RNGTT: variants seen among roughly 807,000 people sequenced by gnomAD.
The protein encoded by RNGTT is RNA guanylyltransferase and 5'-phosphatase, also known as mRNA-capping enzyme.
Under a neutral mutation model 79.3 loss-of-function variants are expected in RNGTT, and 33 were observed. The ratio of observed to expected loss-of-function variants is 0.42; its 90% CI spans 0.32 to 0.56. The LOEUF (loss-of-function observed/expected upper bound fraction) is 0.56. Among genes scored for constraint, RNGTT ranks in the 20% least tolerant of loss-of-function variants. The pLI is 0.17. For synonymous variants in RNGTT, 222 were observed against 235.9 expected, an observed-to-expected ratio of 0.94 and a Z score of 0.54; for missense variants, 497 against 739.1, an observed-to-expected ratio of 0.67 and a Z score of 3.80.
chr6:88,785,595 T>C (rs951691142), intron 12 of RNGTT, among the ~76,000 whole-genome samples: 1 of 152,128 alleles, frequency 6.6e-6, no homozygotes, highest in South Asian at 2.1e-4. Context: ...TGAGAAAAGA[T>C]AGAATGACAC....
At chr6:88,768,494 A>C (rs1387955181) in intron 13 of RNGTT, among the ~76,000 whole-genome samples, 1 of 152,150 alleles carries the variant, frequency 6.6e-6, no homozygotes, top group Non-Finnish European at 1.5e-5. Flanking sequence ...GATTCACCAC[A>C]ATGCACAGTT....
chr6:88,723,552 T>G, intron 13 of RNGTT, among the ~76,000 whole-genome samples: 1 of 152,162 alleles, frequency 6.6e-6, no homozygotes. Flanking sequence ...CTTTACCACC[T>G]GTGTCACCAG....
At chr6:88,684,758 C>G (rs1775214411) in intron 13 of RNGTT, among the ~76,000 whole-genome samples, 3 of 151,908 alleles carry the variant, frequency 2.0e-5, no homozygotes. Flanking sequence ...AAGAGTAAAC[C>G]TTAATGCAAA....
At chr6:88,796,160 AATG>A (rs1280997971) in intron 12 of RNGTT, among the ~76,000 whole-genome samples, 1 of 152,194 alleles carries the variant, frequency 6.6e-6, no homozygotes, top group Non-Finnish European at 1.5e-5. Flanking sequence ...TAAATGTTGA[AATG>A]ATAATACTTT....
intron 11 of RNGTT, among the ~76,000 whole-genome samples, chr6:88,824,944 C>T (rs9353622): frequency 0.19 from 29,414 of 151,600 alleles, 3,496 homozygotes; most frequent in African/African-American, 0.32. Context: ...GGTTTCACCA[C>T]GTTGGCCAGG....
intron 1 of RNGTT, among the ~76,000 whole-genome samples, chr6:88,951,803 A>G (rs931494082): frequency 1.3e-5 from 2 of 152,178 alleles, no homozygotes; most frequent in Non-Finnish European, 1.5e-5. Flanking sequence ...GCCATTCCTG[A>G]CTACATCTCA....
At chr6:88,929,926 A>ACG (rs1554165099) in intron 2 of RNGTT, among the ~76,000 whole-genome samples, 4 of 150,692 alleles carry the variant, frequency 2.7e-5, no homozygotes, top group Admixed American at 2.0e-4. Flanking sequence ...ACACGTATAT[A>ACG]CATATGTATA....
At chr6:88,628,628 G>A (rs1255540745) in intron 14 of RNGTT, among the ~76,000 whole-genome samples, 1 of 152,116 alleles carries the variant, frequency 6.6e-6, no homozygotes, top group Non-Finnish European at 1.5e-5. Context: ...AGGAAGGGGA[G>A]AGACTAACAT....
intron 14 of RNGTT, among the ~76,000 whole-genome samples, chr6:88,634,812 A>G (rs551139850): frequency 6.6e-6 from 1 of 152,148 alleles, no homozygotes; most frequent in Non-Finnish European, 1.5e-5. Flanking sequence ...AATATTTAAT[A>G]TGTGAGTGAA....
At chr6:88,661,413 G>C (rs1376548384) in intron 14 of RNGTT, among the ~76,000 whole-genome samples, 2 of 152,040 alleles carry the variant, frequency 1.3e-5, no homozygotes, top group African/African-American at 2.4e-5. Context: ...AAAATTGACA[G>C]ACCGTTAGTG....
rs535973473 is a variant in RNGTT at position 88,684,079 on chromosome 6, C to T, written c.1440-5660G>A. On this transcript the variant is annotated intron_variant, in intron 13 of 15. Coordinates refer to ENST00000369485, the MANE Select transcript of RNGTT (RefSeq NM_003800.5). Reference sequence around the variant, plus strand: ...TTTAAAAATGAGCAAAAGACTGGAACAGAAACCTCACAAAAGAAGATATGC... The same window carrying T: ...TTTAAAAATGAGCAAAAGACTGGAATAGAAACCTCACAAAAGAAGATATGC... 1.4e-3 allele frequency among the ~76,000 whole-genome samples: 218 copies of T among 152,140 alleles called. 2 individuals are homozygous for T. Among genetic ancestry groups the T allele is most frequent in the Non-Finnish European group, 2.6e-3 (174 of 67,972 alleles).
intron 13 of RNGTT, among the ~76,000 whole-genome samples, chr6:88,768,451 C>A (rs867939451): frequency 6.6e-6 from 1 of 152,120 alleles, no homozygotes; most frequent in Non-Finnish European, 1.5e-5. Context: ...AACGAATACC[C>A]ACATGCTTTA....
intron 13 of RNGTT, among the ~76,000 whole-genome samples, chr6:88,736,445 T>C (rs1777288391): frequency 6.6e-6 from 1 of 152,134 alleles, no homozygotes. Flanking sequence ...GTCAATGAAA[T>C]TGGATATTCA....
intron 12 of RNGTT, among the ~76,000 whole-genome samples, chr6:88,771,903 C>G (rs988239672): frequency 6.6e-6 from 1 of 152,068 alleles, no homozygotes; most frequent in Non-Finnish European, 1.5e-5. Flanking sequence ...TAGGGTTAGG[C>G]ACGGTGGCTC....
At chr6:88,949,258 CT>C (rs1237749319) in intron 1 of RNGTT, among the ~76,000 whole-genome samples, 1,548 of 106,260 alleles carry the variant, frequency 0.015, 7 homozygotes, top group African/African-American at 0.021. Context: ...AATAATCAGT[CT>C]TTTTTTTTTT....
At chr6:88,633,275 A>C (rs548329522) in intron 14 of RNGTT, among the ~76,000 whole-genome samples, 1 of 152,282 alleles carries the variant, frequency 6.6e-6, no homozygotes, top group South Asian at 2.1e-4. Context: ...GAAAAAAAAA[A>C]GCTTGATGAA....
intron 11 of RNGTT, among the ~76,000 whole-genome samples, chr6:88,830,284 T>G (rs1434924375): frequency 6.6e-6 from 1 of 152,158 alleles, no homozygotes; most frequent in African/African-American, 2.4e-5. Context: ...TGCTCCTGAA[T>G]GACTACTGGC....
intron 12 of RNGTT, among the ~76,000 whole-genome samples, chr6:88,791,220 T>C (rs1471474876): frequency 6.6e-6 from 1 of 151,018 alleles, no homozygotes; most frequent in Non-Finnish European, 1.5e-5. Context: ...TCACAGTTCA[T>C]TACAGCCTTG....
At chr6:88,795,226 A>G (rs1779557928) in intron 12 of RNGTT, among the ~76,000 whole-genome samples, 1 of 152,208 alleles carries the variant, frequency 6.6e-6, no homozygotes, top group African/African-American at 2.4e-5. Flanking sequence ...AACTCTTTAT[A>G]CCCTAAAATA....
Sources: allele counts gnomAD v4.1 joint callset (sites outside exome capture counted in the v4.1 genomes callset), GRCh38; gene constraint gnomAD v4.1.1; transcripts MANE v1.5; gene names NCBI Gene and HGNC (gene_info 2026-07-23, HGNC 2026-07-21).